Variants in MRPS28 observed in about 807,000 individuals in gnomAD.
MRPS28 encodes small ribosomal subunit protein bS1m.
In MRPS28, 7 loss-of-function variants were observed where a neutral mutation model predicts 10.8. That is an observed-to-expected ratio of 0.65 (90% CI 0.37 to 1.22). The LOEUF (loss-of-function observed/expected upper bound fraction) is 1.22. Among genes scored for constraint, MRPS28 ranks in the 50% most tolerant of loss-of-function variants. The pLI, the probability that MRPS28 is intolerant of heterozygous loss-of-function variation, is 0.02. For missense variants in MRPS28, 265 were observed against 232.9 expected (o/e 1.14, Z -0.90); for synonymous variants, 121 against 93.3 (o/e 1.30, Z -1.71).
chr8:80,019,370 C>T (rs1180015796), intron 1 of MRPS28, among the ~76,000 whole-genome samples: 1 of 149,010 alleles, frequency 6.7e-6, no homozygotes, highest in Non-Finnish European at 1.5e-5. Context: ...TGTAATCCAT[C>T]ACATCAATTG....
At chr8:80,019,143 C>A (rs566391796) in intron 1 of MRPS28, among the ~76,000 whole-genome samples, 1 of 151,780 alleles carries the variant, frequency 6.6e-6, no homozygotes, top group Non-Finnish European at 1.5e-5. Flanking sequence ...GAGAGCACAA[C>A]AGGGTGATAA....
At chr8:80,027,433 C>A (rs1465704963) in intron 1 of MRPS28, among the ~76,000 whole-genome samples, 2 of 152,192 alleles carry the variant, frequency 1.3e-5, no homozygotes, top group African/African-American at 4.8e-5. Context: ...TTAACCCAAG[C>A]AGGGTCTTGA....
At position 79,982,665 on chromosome 8, in the gene MRPS28, G is replaced by A. The variant is rs1808000256; in HGVS notation, c.395+20334C>T. Among the ~76,000 whole-genome samples the A allele has an allele frequency of 2.6e-5, 4 of 152,188 alleles. No individual in the cohort carries two copies. In the South Asian group the frequency reaches 8.3e-4, roughly 31 times the overall value. On this transcript the variant is annotated intron_variant, in intron 2 of 2. Coordinates refer to ENST00000276585, the MANE Select transcript of MRPS28 (RefSeq NM_014018.3). ...ACCCACGGAGTCTCGCTGATTGCTA[G>A]CACAGCAGTCTGAGATCAAACTGCA...
intron 2 of MRPS28, among the ~76,000 whole-genome samples, chr8:79,982,628 G>T (rs879409715): frequency 6.6e-6 from 1 of 152,170 alleles, no homozygotes; most frequent in South Asian, 2.1e-4. Flanking sequence ...CACCTGGCTC[G>T]GAGGGTCCTA....
intron 2 of MRPS28, among the ~76,000 whole-genome samples, chr8:79,920,825 G>A (rs1222026165): frequency 6.6e-6 from 1 of 152,112 alleles, no homozygotes; most frequent in Non-Finnish European, 1.5e-5. Context: ...GGCTTTTGTT[G>A]CCATTGCTTT....
At chr8:79,933,663 A>T (rs1158165395) in intron 2 of MRPS28, among the ~76,000 whole-genome samples, 1 of 152,216 alleles carries the variant, frequency 6.6e-6, no homozygotes, top group African/African-American at 2.4e-5. Context: ...AACCATGATG[A>T]AATGAAATAC....
At chr8:79,927,372 T>G (rs1056006975) in intron 2 of MRPS28, among the ~76,000 whole-genome samples, 1 of 152,240 alleles carries the variant, frequency 6.6e-6, no homozygotes, top group African/African-American at 2.4e-5. Context: ...TATTTCCTGA[T>G]TTCCTCATCC....
intron 1 of MRPS28, chr8:80,029,626 C>T: frequency 1.4e-6 from 1 of 735,042 alleles, no homozygotes; most frequent in Non-Finnish European, 1.9e-6. Context: ...CTACTCCAGA[C>T]AGCAAGCTCC....
At position 79,918,920 on chromosome 8, in the gene MRPS28, T is replaced by C. The variant is rs1026675269; in HGVS notation, c.*60A>G. On this transcript the variant is annotated 3_prime_UTR_variant, in exon 3 of 3. Coordinates refer to ENST00000276585, the MANE Select transcript of MRPS28 (RefSeq NM_014018.3). ...AATCATTTATTCACAATTAGTCTAA[T>C]TGCATTCTTGATGAATAACTGACTT... The C allele has an allele frequency of 3.6e-5, 46 of 1,267,660 alleles. No homozygotes were observed. The highest frequency in any genetic ancestry group is 7.6e-5 in the African/African-American group (5 of 66,160). The allele number at this position is 1,267,660 out of a possible 1,614,324, so 78.5% of individuals were successfully genotyped here.
intron 2 of MRPS28, among the ~76,000 whole-genome samples, chr8:79,935,365 C>CT (rs942516049): frequency 1.3e-5 from 2 of 151,910 alleles, no homozygotes; most frequent in Non-Finnish European, 2.9e-5. Flanking sequence ...TCTTCTTCTT[C>CT]TTTTTTATTT....
chr8:79,988,288 G>T (rs1808254370), intron 2 of MRPS28, among the ~76,000 whole-genome samples: 1 of 105,210 alleles, frequency 9.5e-6, no homozygotes, highest in Non-Finnish European at 1.8e-5. Context: ...GGGGGGAGGG[G>T]GGAGGGATAG....
rs148550099 is a variant in MRPS28, at chr8:80,021,689, A to G, written c.213+8347T>C. ...AACAACAAAAAATTACCTTACAGGA[A>G]ATAATGTGGGATAACTGTCACATGT... is the stretch of plus-strand genomic sequence containing the variant. On this transcript the variant is annotated intron_variant, in intron 1 of 2. Coordinates refer to ENST00000276585, the MANE Select transcript of MRPS28 (RefSeq NM_014018.3). 3.1e-3 allele frequency among the ~76,000 whole-genome samples: 467 copies of G among 152,230 alleles called. 7 individuals carry two copies. Among genetic ancestry groups the G allele is most frequent in the African/African-American group, 0.011 (444 of 41,466 alleles).
intron 1 of MRPS28, among the ~76,000 whole-genome samples, chr8:80,011,490 A>C (rs1305732571): frequency 1.3e-5 from 2 of 151,700 alleles, no homozygotes; most frequent in Non-Finnish European, 2.9e-5. Context: ...ATTGTGGCTC[A>C]CGCCTGTGAT....
chr8:80,026,472 G>A (rs1045026718), intron 1 of MRPS28, among the ~76,000 whole-genome samples: 1 of 152,064 alleles, frequency 6.6e-6, no homozygotes, highest in Non-Finnish European at 1.5e-5. Flanking sequence ...ACAATTCAAC[G>A]ACAGGCCAGG....
intron 2 of MRPS28, among the ~76,000 whole-genome samples, chr8:79,962,772 G>T (rs553033571): frequency 2.6e-5 from 4 of 152,110 alleles, no homozygotes; most frequent in Non-Finnish European, 5.9e-5. Flanking sequence ...TAGTTGGAAC[G>T]CAATTCTAAA....
At chr8:79,941,735 A>C (rs1288006525) in intron 2 of MRPS28, among the ~76,000 whole-genome samples, 1 of 152,116 alleles carries the variant, frequency 6.6e-6, no homozygotes, top group Non-Finnish European at 1.5e-5. Context: ...AGTTTAATTC[A>C]CTCTCAAAGA....
intron 1 of MRPS28, among the ~76,000 whole-genome samples, chr8:80,029,333 G>T (rs1226684342): frequency 1.3e-5 from 2 of 152,168 alleles, no homozygotes; most frequent in African/African-American, 4.8e-5. Flanking sequence ...GAAAAATACA[G>T]AAATTGAGAG....
chr8:80,011,133 TTATTTTTA>T (rs1441030405), intron 1 of MRPS28, among the ~76,000 whole-genome samples: 2 of 146,940 alleles, frequency 1.4e-5, no homozygotes, highest in Non-Finnish European at 3.0e-5. Flanking sequence ...TTTTATTTTT[TTATTTTTA>T]TTTTTTTTTG....
intron 1 of MRPS28, among the ~76,000 whole-genome samples, chr8:80,014,184 AAGG>A (rs776754996): frequency 5.3e-5 from 8 of 152,226 alleles, no homozygotes; most frequent in South Asian, 2.1e-4. Flanking sequence ...AGCTGAAAAC[AAGG>A]AGAATAGCTA....
Sources: gnomAD v4.1 joint callset for allele counts (sites outside exome capture counted in the v4.1 genomes callset) on GRCh38, gnomAD v4.1.1 for gene constraint, MANE v1.5 for transcripts, NCBI Gene and HGNC (gene_info 2026-07-23, HGNC 2026-07-21) for gene names.